TENM2: variants seen among roughly 807,000 people sequenced by gnomAD.
TENM2 encodes the protein teneurin transmembrane protein 2, also known as teneurin-2.
TENM2 carries 52 observed loss-of-function variants against 245.2 expected under a neutral mutation model. The observed-to-expected ratio is 0.21, with a 90% CI of 0.17 to 0.27. The LOEUF (loss-of-function observed/expected upper bound fraction) is 0.27, where lower values mean the gene tolerates loss of function less well. Among genes scored for constraint, TENM2 ranks in the 10% least tolerant of loss-of-function variants. The pLI is 1.00. For missense variants in TENM2, 3,046 were observed against 3,666.8 expected, an observed-to-expected ratio of 0.83 and a Z score of 4.37; for synonymous variants, 1,363 against 1,438.9, an observed-to-expected ratio of 0.95 and a Z score of 1.19.
At chr5:167,490,024 AC>A (rs1768328662) in intron 2 of TENM2, among the ~76,000 whole-genome samples, 1 of 152,196 alleles carries the variant, frequency 6.6e-6, no homozygotes, top group African/African-American at 2.4e-5. Flanking sequence ...TATTTGTACA[AC>A]CTTCAGATTA....
intron 2 of TENM2, among the ~76,000 whole-genome samples, chr5:167,642,220 A>C (rs1779661278): frequency 6.6e-6 from 1 of 151,866 alleles, no homozygotes; most frequent in South Asian, 2.1e-4. Flanking sequence ...TCCTTTAGGT[A>C]AAAAGCAGCA....
intron 2 of TENM2, among the ~76,000 whole-genome samples, chr5:167,430,088 A>C (rs570878894): frequency 8.5e-5 from 13 of 152,256 alleles, no homozygotes; most frequent in African/African-American, 3.1e-4. Context: ...GGGCAAAATC[A>C]TCTAAGGCTG....
intron 9 of TENM2, among the ~76,000 whole-genome samples, chr5:168,114,613 C>A (rs114470829): frequency 0.014 from 2,101 of 152,270 alleles, 50 homozygotes; most frequent in African/African-American, 0.048. Flanking sequence ...CTGGAGGGAG[C>A]TCATCTGGTG....
chr5:167,762,913 G>A (rs1762774881), intron 2 of TENM2, among the ~76,000 whole-genome samples: 1 of 152,184 alleles, frequency 6.6e-6, no homozygotes, highest in Non-Finnish European at 1.5e-5. Context: ...CCATGTGCAG[G>A]AAATACTTTA....
At chr5:167,996,695 A>G (rs1333492569) in intron 5 of TENM2, among the ~76,000 whole-genome samples, 1 of 150,788 alleles carries the variant, frequency 6.6e-6, no homozygotes, top group Non-Finnish European at 1.5e-5. Flanking sequence ...GTTTAGAACT[A>G]GAAGCATTTC....
At chr5:168,190,341 C>T (rs1760840793) in exon 14 of TENM2, 1 of 1,612,882 alleles carries the variant, frequency 6.2e-7, no homozygotes, top group Non-Finnish European at 8.5e-7. Flanking sequence ...TTCCAGATGG[C>T]CTGGTGGATT....
At chr5:167,473,257 A>C (rs1191339682) in intron 2 of TENM2, among the ~76,000 whole-genome samples, 2 of 152,174 alleles carry the variant, frequency 1.3e-5, no homozygotes, top group African/African-American at 4.8e-5. Context: ...CATCCAAATT[A>C]TTTGACAAAC....
At chr5:167,179,913 A>G in the TENM2 span, among the ~76,000 whole-genome samples, 1 of 152,150 alleles carries the variant, frequency 6.6e-6, no homozygotes, top group East Asian at 1.9e-4. Context: ...CCTAGTTGGG[A>G]GAATAGGAGA....
intron 2 of TENM2, among the ~76,000 whole-genome samples, chr5:167,703,128 G>A (rs10057249): frequency 0.49 from 74,282 of 152,032 alleles, 21,452 homozygotes; most frequent in East Asian, 0.8. Flanking sequence ...TTCTTCTCAT[G>A]GTATTATTCC....
intron 5 of TENM2, among the ~76,000 whole-genome samples, chr5:168,004,475 G>A (rs906045050): frequency 2.0e-5 from 3 of 151,514 alleles, no homozygotes; most frequent in African/African-American, 7.3e-5. Context: ...GAGAAGGGAA[G>A]GGAGGTCAGC....
intron 2 of TENM2, among the ~76,000 whole-genome samples, chr5:167,536,672 C>A (rs1207228649): frequency 6.6e-6 from 1 of 152,102 alleles, no homozygotes; most frequent in Non-Finnish European, 1.5e-5. Flanking sequence ...TACTTGCTTG[C>A]CCTAAGGCCT....
In TENM2 at chr5:168,047,561, G is replaced by C. The variant is rs1284856192; in HGVS notation, c.1309+12G>C. ...ATCTGGAGGCAAAGGTGAGGTTACA[G>C]CTGCTGCTTGCCCTCTTGAGGTCAC... On this transcript the variant is annotated intron_variant, in intron 6 of 28. Coordinates refer to ENST00000518659, the Ensembl canonical transcript of TENM2. The C allele has an allele frequency of 6.4e-7, 1 of 1,551,550 alleles. No individual in the cohort carries two copies. Among genetic ancestry groups the C allele is most frequent in the Admixed American group, 2.0e-5 (1 of 51,000 alleles).
At chr5:167,626,903 T>C (rs1446345623) in intron 2 of TENM2, among the ~76,000 whole-genome samples, 1 of 152,198 alleles carries the variant, frequency 6.6e-6, no homozygotes, top group Non-Finnish European at 1.5e-5. Flanking sequence ...GTAAGCTCAC[T>C]GGCCCAGAAA....
chr5:167,907,091 G>A (rs1583330415), intron 3 of TENM2, among the ~76,000 whole-genome samples: 1 of 152,194 alleles, frequency 6.6e-6, no homozygotes, highest in Middle Eastern at 3.4e-3. Context: ...AATTAGCCGG[G>A]TGTGGTGGCG....
At chr5:167,836,056 G>A (rs1044621962) in intron 2 of TENM2, among the ~76,000 whole-genome samples, 1 of 150,382 alleles carries the variant, frequency 6.6e-6, no homozygotes, top group African/African-American at 2.4e-5. Flanking sequence ...TAAAACTGGT[G>A]GGGGAGAAGG....
At chr5:168,164,131 C>T (rs866472576) in intron 13 of TENM2, among the ~76,000 whole-genome samples, 4 of 152,158 alleles carry the variant, frequency 2.6e-5, no homozygotes, top group Admixed American at 6.5e-5. Flanking sequence ...TGGCTCTTTC[C>T]GCCTTTAATA....
chr5:167,390,999 G>C (rs1467115667), intron 2 of TENM2, among the ~76,000 whole-genome samples: 2 of 151,922 alleles, frequency 1.3e-5, no homozygotes, highest in East Asian at 3.9e-4. Context: ...TTTTTCCAGA[G>C]CATACTCTCT....
At chr5:167,717,551 C>A (rs1759351144) in intron 2 of TENM2, among the ~76,000 whole-genome samples, 1 of 152,044 alleles carries the variant, frequency 6.6e-6, no homozygotes, top group Non-Finnish European at 1.5e-5. Context: ...ACTTTTTATA[C>A]CATCCATCTC....
intron 26 of TENM2, among the ~76,000 whole-genome samples, chr5:168,245,998 C>T (rs773405053): frequency 7.2e-5 from 11 of 151,918 alleles, no homozygotes; most frequent in African/African-American, 1.2e-4. Flanking sequence ...TTTGGGAGGC[C>T]GAGGCGGGCT....
Sources: allele counts gnomAD v4.1 joint callset (sites outside exome capture counted in the v4.1 genomes callset), GRCh38; gene constraint gnomAD v4.1.1; transcripts MANE v1.5; gene names NCBI Gene and HGNC (gene_info 2026-07-23, HGNC 2026-07-21).